The following TESPA1 variants were observed in gnomAD, a reference collection of about 807,000 sequenced individuals.
TESPA1 encodes the protein protein TESPA1.
TESPA1 carries 33 observed loss-of-function variants against 57.9 expected under a neutral mutation model. The ratio of observed to expected loss-of-function variants is 0.57; its 90% confidence interval spans 0.43 to 0.76. The LOEUF is 0.76. Ranked by LOEUF, TESPA1 falls within the 30% of genes least tolerant of loss-of-function variation. TESPA1 has a pLI of 0.00. For missense variants in TESPA1, 618 were observed against 632.9 expected (o/e 0.98, Z 0.25); for synonymous variants, 227 against 228.9 (o/e 0.99, Z 0.07).
chr12:54,969,021 G>GTGTGTGTATATATATATATATA lies in TESPA1; in HGVS notation c.207-1130_207-1129insTATATATATATATATACACACA, dbSNP rs370590552. On this transcript the variant is annotated intron_variant, in intron 3 of 10. Coordinates refer to ENST00000449076, the MANE Select transcript of TESPA1 (RefSeq NM_001136030.3). ...AATAAGTCACTACATATTTATATAT[G>GTGTGTGTATATATATATATATA]TATATATATATATATATATATATAT... 1.1e-3 allele frequency among the ~76,000 whole-genome samples: 92 copies of GTGTGTGTATATATATATATATA among 83,604 alleles called. 1 individual carries two copies. The East Asian group carries it at 0.015, about 14-fold the overall frequency. The allele number at this position is 83,604 out of a possible 152,430, so 54.8% of individuals were successfully genotyped here. A position where few individuals can be genotyped will look rare whatever the true frequency, so the allele number is the denominator to read the frequency against.
chr12:54,968,152 A>C, intron 3 of TESPA1: 1 of 696,296 alleles, frequency 1.4e-6, no homozygotes, highest in Non-Finnish European at 2.3e-6. Flanking sequence ...AAAGGACGAA[A>C]GTCAACTTAA....
chr12:54,962,981 G>A lies in TESPA1; in HGVS notation c.917C>T (p.Thr306Ile). ...TTGGTCCAAACTGTTCCTTTTGGGG[G>A]TGTTGTGGGGTGGTGGTGGCCGGTC... ...PRDRPPPPHN[T>I]PKRNSLDQVV... Residue 306 changes from threonine to isoleucine, a missense_variant, in exon 9 of 11, where the codon ACC becomes ATC. By Grantham distance (89) the Thr-to-Ile change is moderately conservative. Coordinates refer to ENST00000449076, the MANE Select transcript of TESPA1 (RefSeq NM_001136030.3). The A allele has an allele frequency of 6.2e-7, 1 of 1,613,378 alleles. No homozygotes were observed. The highest frequency in any genetic ancestry group is 1.7e-5 in the Admixed American group (1 of 59,974).
intron 10 of TESPA1, among the ~76,000 whole-genome samples, chr12:54,956,944 TC>T (rs549575075): frequency 1.2e-4 from 19 of 152,228 alleles, no homozygotes; most frequent in South Asian, 1.2e-3. Context: ...GTGACATTAA[TC>T]CATTTACGAG....
chr12:54,953,941 C>T (rs1950569578), intron 10 of TESPA1, among the ~76,000 whole-genome samples: 1 of 152,212 alleles, frequency 6.6e-6, no homozygotes, highest in Non-Finnish European at 1.5e-5. Flanking sequence ...ATTCTCTTGT[C>T]ATGTTTTTCA....
At chr12:54,953,015 C>T (rs1485527385) in intron 10 of TESPA1, among the ~76,000 whole-genome samples, 2 of 151,482 alleles carry the variant, frequency 1.3e-5, no homozygotes, top group Non-Finnish European at 2.9e-5. Flanking sequence ...CTCACTCGTC[C>T]TCCCCTCTAT....
rs1252655716 is a variant in TESPA1 at position 54,963,258 on chromosome 12, A to T, written c.656-16T>A. ...TTAAACCTGCCTGGGTACAAGAGTTAAAGATGGTAAGTCTGGGGTTCATCA... is the reference window on the plus strand; with the variant it reads ...TTAAACCTGCCTGGGTACAAGAGTTTAAGATGGTAAGTCTGGGGTTCATCA... On this transcript the variant is annotated splice_polypyrimidine_tract_variant and intron_variant, in intron 8 of 10. Coordinates refer to ENST00000449076, the MANE Select transcript of TESPA1 (RefSeq NM_001136030.3). 5 of 1,594,982 alleles carry T rather than the reference A, an allele frequency of 3.1e-6. No individual in the cohort carries two copies. The highest frequency in any genetic ancestry group is 3.4e-6 in the Non-Finnish European group (4 of 1,170,338).
intron 9 of TESPA1, 117 bp downstream of exon 9, chr12:54,962,314 C>T: frequency 8.3e-7 from 1 of 1,206,860 alleles, no homozygotes; most frequent in Non-Finnish European, 1.2e-6. Context: ...AGTGGTATAT[C>T]TGGCTAGGAC....
intron 10 of TESPA1, among the ~76,000 whole-genome samples, chr12:54,955,258 G>A (rs1362312345): frequency 6.6e-6 from 1 of 152,076 alleles, no homozygotes; most frequent in Non-Finnish European, 1.5e-5. Flanking sequence ...CAAAATATAT[G>A]AGAAACTTCT....
chr12:54,963,739 C>T lies in TESPA1; in HGVS notation c.655+3G>A, dbSNP rs1426111672. 3 of 1,610,202 alleles carry T rather than the reference C, an allele frequency of 1.9e-6. No homozygotes were observed. The highest frequency in any genetic ancestry group is 2.7e-5 in the African/African-American group (2 of 74,854). On this transcript the variant is annotated splice_donor_region_variant and intron_variant, in intron 8 of 10. Coordinates refer to ENST00000449076, the MANE Select transcript of TESPA1 (RefSeq NM_001136030.3). ...AGAGCAGGTGCCTGGGAGGGACACT[C>T]ACTGGCCAGCATGAGGCAGGGGTCT... is the stretch of plus-strand genomic sequence containing the variant.
Position 54,950,333 on chromosome 12 carries a change from G to T in TESPA1, c.*59C>A. On this transcript the variant is annotated 3_prime_UTR_variant, in exon 11 of 11. Transcript: ENST00000449076. ...AGTTTCCTGCAAGAGGTGGCTTTTA[G>T]TTTCTTCTTTGAAGCCAATTCTGTC... is the stretch of plus-strand genomic sequence containing the variant. 2.2e-6 allele frequency: 1 copy of T among 456,898 alleles called. No homozygotes were observed. Among genetic ancestry groups the T allele is most frequent in the South Asian group, 1.5e-5 (1 of 64,556 alleles). The allele number at this position is 456,898 out of a possible 1,614,324, so 28.3% of individuals were successfully genotyped here.
At chr12:54,954,315 AT>A (rs1950601432) in intron 10 of TESPA1, among the ~76,000 whole-genome samples, 1 of 152,232 alleles carries the variant, frequency 6.6e-6, no homozygotes, top group African/African-American at 2.4e-5. Context: ...TATAAAATGG[AT>A]TTCAGGTAAA....
At chr12:54,956,426 T>C (rs891245739) in intron 10 of TESPA1, among the ~76,000 whole-genome samples, 1 of 152,230 alleles carries the variant, frequency 6.6e-6, no homozygotes, top group Non-Finnish European at 1.5e-5. Flanking sequence ...ACTTTCTCCT[T>C]GGCTCTGCCG....
intron 1 of TESPA1, among the ~76,000 whole-genome samples, chr12:54,978,887 CA>C (rs1273131209): frequency 6.6e-6 from 1 of 152,196 alleles, no homozygotes; most frequent in African/African-American, 2.4e-5. Context: ...TGTCATCATT[CA>C]CCACTACTTG....
At position 54,950,378 on chromosome 12, in the gene TESPA1, T is replaced by C. The variant is rs1177268175; in HGVS notation, c.*14A>G. The C allele has an allele frequency of 2.2e-6, 1 of 455,998 alleles. No homozygotes were observed. Among genetic ancestry groups the C allele is most frequent in the Non-Finnish European group, 4.4e-6 (1 of 226,744 alleles). 28.2% of individuals were successfully genotyped at this position (455,998 alleles called of 1,614,324 possible). A position where few individuals can be genotyped will look rare whatever the true frequency, so the allele number is the denominator to read the frequency against. ...TCTGTCAGACCACATGCTGTTGTGGTGGTGGAGAAAGCCTGCAATGGGAAT... is the reference window on the plus strand; with the variant it reads ...TCTGTCAGACCACATGCTGTTGTGGCGGTGGAGAAAGCCTGCAATGGGAAT... On this transcript the variant is annotated 3_prime_UTR_variant, in exon 11 of 11. Transcript: ENST00000449076.
intron 10 of TESPA1, among the ~76,000 whole-genome samples, chr12:54,951,079 T>C (rs1161512604): frequency 2.0e-5 from 3 of 152,148 alleles, no homozygotes; most frequent in African/African-American, 7.2e-5. Context: ...ATCCCTGATA[T>C]AGTTTGGCTC....
chr12:54,962,335 G>T, intron 9 of TESPA1, 96 bp downstream of exon 9: 4 of 1,381,534 alleles, frequency 2.9e-6, no homozygotes, highest in African/African-American at 2.9e-5. Flanking sequence ...AGGAAGCCTG[G>T]ATTATTTTTC....
chr12:54,951,138 G>A (rs1950361246), intron 10 of TESPA1, among the ~76,000 whole-genome samples: 1 of 152,196 alleles, frequency 6.6e-6, no homozygotes, highest in Non-Finnish European at 1.5e-5. Context: ...GAATGTTGGA[G>A]GTGGGGCCTC....
chr12:54,963,982 C>T (rs757267036), intron 7 of TESPA1, 32 bp from the exon 8 acceptor site: 1 of 1,597,894 alleles, frequency 6.3e-7, no homozygotes, highest in Non-Finnish European at 8.6e-7. Context: ...AAATAAGGGA[C>T]AACTTTGAGA....
intron 1 of TESPA1, among the ~76,000 whole-genome samples, chr12:54,980,118 A>G (rs1592429657): frequency 2.0e-5 from 3 of 152,170 alleles, no homozygotes; most frequent in African/African-American, 7.2e-5. Context: ...GCCCAATGTC[A>G]CCATCCAATG....
Sources: gnomAD v4.1 joint callset for allele counts (sites outside exome capture counted in the v4.1 genomes callset) on GRCh38, gnomAD v4.1.1 for gene constraint, MANE v1.5 for transcripts, NCBI Gene and HGNC (gene_info 2026-07-23, HGNC 2026-07-21) for gene names.